The following DNAH7 variants were observed in gnomAD, a reference collection of about 807,000 sequenced individuals.
DNAH7 encodes the protein dynein axonemal heavy chain 7, also known as axonemal beta dynein heavy chain 7.
DNAH7 carries 397 observed loss-of-function variants against 444.6 expected under a neutral mutation model. That is an observed-to-expected ratio of 0.89 (90% CI 0.82 to 0.97). The LOEUF is 0.97. Among genes scored for constraint, DNAH7 ranks in the 50% least tolerant of loss-of-function variants. The pLI is 0.00. For missense variants in DNAH7, 4,902 were observed against 4,800.8 expected, an observed-to-expected ratio of 1.02 and a Z score of -0.62; for synonymous variants, 1,636 against 1,624.4, an observed-to-expected ratio of 1.01 and a Z score of -0.17.
chr2:195,852,483 T>C (rs911221451), intron 46 of DNAH7, among the ~76,000 whole-genome samples: 7 of 152,170 alleles, frequency 4.6e-5, no homozygotes, highest in African/African-American at 1.7e-4. Context: ...TTATTCTCAT[T>C]ATCATCCCTC....
At chr2:195,835,604 C>T (rs935816250) in intron 47 of DNAH7, among the ~76,000 whole-genome samples, 12 of 152,034 alleles carry the variant, frequency 7.9e-5, no homozygotes, top group Admixed American at 2.0e-4. Context: ...CCAGCACTTT[C>T]GGAGGCCGAG....
chr2:195,895,712 C>T (rs1280092132), intron 29 of DNAH7, among the ~76,000 whole-genome samples: 1 of 152,164 alleles, frequency 6.6e-6, no homozygotes, highest in Non-Finnish European at 1.5e-5. Context: ...CTCCTTGCTG[C>T]CTCCTACCTC....
intron 2 of DNAH7, 121 bp downstream of exon 2, chr2:196,057,933 T>C: frequency 2.6e-6 from 2 of 760,732 alleles, no homozygotes; most frequent in Non-Finnish European, 3.9e-6. Flanking sequence ...AAGAATCAAA[T>C]GGAATTTAAA....
chr2:195,778,552 G>A (rs1246229660), intron 58 of DNAH7, among the ~76,000 whole-genome samples: 3 of 143,524 alleles, frequency 2.1e-5, no homozygotes, highest in Non-Finnish European at 4.5e-5. Context: ...TAGGAGGATC[G>A]AAGCTGCAGT....
At chr2:195,975,752 G>C (rs192951383) in intron 15 of DNAH7, among the ~76,000 whole-genome samples, 23 of 152,294 alleles carry the variant, frequency 1.5e-4, no homozygotes, top group African/African-American at 4.8e-4. Context: ...AATGGGTAGA[G>C]TAGTGAGGCC....
intron 63 of DNAH7, 41 bp downstream of exon 63, chr2:195,754,296 G>C (rs747301398): frequency 2.6e-6 from 4 of 1,560,484 alleles, no homozygotes; most frequent in Non-Finnish European, 3.5e-6. Context: ...TTTTTGTTCA[G>C]TGCCCAGATA....
At chr2:196,051,969 A>AC (rs894573826) in intron 2 of DNAH7, among the ~76,000 whole-genome samples, 20 of 152,202 alleles carry the variant, frequency 1.3e-4, no homozygotes, top group African/African-American at 4.3e-4. Flanking sequence ...CCTAGTCTGT[A>AC]CGTAAGTCCT....
In DNAH7 at chr2:195,960,299, C is replaced by T. The variant is rs763092155; in HGVS notation, c.2852G>A (p.Arg951Gln). Residue 951 changes from arginine to glutamine, a missense_variant, in exon 18 of 65, where the codon CGA becomes CAA. Coordinates refer to ENST00000312428, the MANE Select transcript of DNAH7 (RefSeq NM_018897.3). ...DDHIIKTQTM[R>Q]GSPFIKPYEK... The stretch of plus-strand genomic sequence containing the variant: ...ATAAGGCTTAATGAAAGGAGATCCT[C>T]GCATAGTTTGTGTTTTAATAATATG... 8 of 1,613,292 alleles carry T rather than the reference C, an allele frequency of 5.0e-6. No individual in the cohort carries two copies. Among genetic ancestry groups the T allele is most frequent in the Admixed American group, 1.7e-5 (1 of 59,982 alleles).
At chr2:195,855,120 C>G (rs1699616766) in intron 45 of DNAH7, among the ~76,000 whole-genome samples, 1 of 152,172 alleles carries the variant, frequency 6.6e-6, no homozygotes, top group East Asian at 1.9e-4. Flanking sequence ...AAAATCATTA[C>G]TTCCCTCAAA....
intron 3 of DNAH7, among the ~76,000 whole-genome samples, chr2:196,048,970 G>C (rs1357004920): frequency 4.6e-5 from 7 of 152,208 alleles, no homozygotes; most frequent in Non-Finnish European, 8.8e-5. Context: ...TGGCAGAGGA[G>C]AGAGCACCTT....
chr2:195,814,345 T>C (rs1697121336), intron 51 of DNAH7, among the ~76,000 whole-genome samples: 1 of 152,218 alleles, frequency 6.6e-6, no homozygotes, highest in South Asian at 2.1e-4. Context: ...CATTTTGTTT[T>C]CTAAATTTCA....
At chr2:196,042,974 A>G (rs1337405869) in intron 5 of DNAH7, among the ~76,000 whole-genome samples, 3 of 152,134 alleles carry the variant, frequency 2.0e-5, no homozygotes, top group African/African-American at 4.8e-5. Flanking sequence ...AAATAAATAT[A>G]TGATTGCAGT....
At chr2:195,762,476 G>C (rs1694391686) in intron 61 of DNAH7, among the ~76,000 whole-genome samples, 1 of 152,000 alleles carries the variant, frequency 6.6e-6, no homozygotes, top group Non-Finnish European at 1.5e-5. Flanking sequence ...ATGATCTGTT[G>C]CCCAGAAGAA....
intron 17 of DNAH7, among the ~76,000 whole-genome samples, chr2:195,961,623 T>C (rs1200923963): frequency 6.6e-6 from 1 of 152,212 alleles, no homozygotes; most frequent in Non-Finnish European, 1.5e-5. Context: ...ATTTCTTTTT[T>C]ATTACAGTTT....
chr2:195,945,996 C>G (rs1689777249), intron 19 of DNAH7, among the ~76,000 whole-genome samples: 1 of 152,044 alleles, frequency 6.6e-6, no homozygotes, highest in African/African-American at 2.4e-5. Flanking sequence ...TTTCTAAGGG[C>G]CTGAAAGGAG....
intron 33 of DNAH7, among the ~76,000 whole-genome samples, chr2:195,886,543 G>T (rs1028284260): frequency 6.6e-6 from 1 of 151,988 alleles, no homozygotes. Flanking sequence ...TGGATTCCAT[G>T]GTATACTAAT....
At chr2:195,989,618 G>A (rs1294403856) in intron 12 of DNAH7, among the ~76,000 whole-genome samples, 1 of 152,146 alleles carries the variant, frequency 6.6e-6, no homozygotes, top group Non-Finnish European at 1.5e-5. Context: ...ATATGTCCCT[G>A]CCAAATCTCA....
chr2:195,789,333 C>G (rs1238558319), intron 57 of DNAH7, among the ~76,000 whole-genome samples: 1 of 151,992 alleles, frequency 6.6e-6, no homozygotes, highest in East Asian at 1.9e-4. Context: ...AATTCATAGT[C>G]CATGCCAATT....
chr2:195,937,122 CT>C (rs1689108805), intron 19 of DNAH7, among the ~76,000 whole-genome samples: 1 of 151,976 alleles, frequency 6.6e-6, no homozygotes, highest in Non-Finnish European at 1.5e-5. Context: ...GAGATATTTT[CT>C]TTTGTATTTT....
Sources: allele counts gnomAD v4.1 joint callset (sites outside exome capture counted in the v4.1 genomes callset), GRCh38; gene constraint gnomAD v4.1.1; transcripts MANE v1.5; gene names NCBI Gene and HGNC (gene_info 2026-07-23, HGNC 2026-07-21).